Variants in HNMT observed in about 807,000 individuals in gnomAD.
The protein encoded by HNMT is histamine N-methyltransferase.
A neutral mutation model predicts 32.1 loss-of-function variants in HNMT; 30 were observed. The ratio of observed to expected loss-of-function variants is 0.93; its 90% CI spans 0.70 to 1.27. The LOEUF is 1.27. HNMT is among the 50% of genes most tolerant of loss of function. HNMT has a pLI of 0.00. For synonymous variants in HNMT, 125 were observed against 119.0 expected (o/e 1.05, Z -0.33); for missense variants, 327 against 346.0 (o/e 0.95, Z 0.43).
chr2:137,989,654 G>A lies in HNMT; in HGVS notation c.191-11264G>A, dbSNP rs377011044. ...GAATCATATGGTAAGGTTATGCTTC[G>A]TCTTTTAAGAAACTGCCAAACTGTA... On this transcript the variant is annotated intron_variant, in intron 2 of 5. Coordinates refer to ENST00000280097, the MANE Select transcript of HNMT (RefSeq NM_006895.3). 5.3e-5 allele frequency among the ~76,000 whole-genome samples: 8 copies of A among 152,124 alleles called. No individual in the cohort carries two copies. In the South Asian group the frequency reaches 8.3e-4, roughly 16 times the overall value.
At chr2:137,967,207 T>C in intron 1 of HNMT, 1 of 725,160 alleles carries the variant, frequency 1.4e-6, no homozygotes, top group South Asian at 1.4e-5. Flanking sequence ...GCCTAGGAGT[T>C]TGAGACCAGC....
intron 4 of HNMT, 30 bp from the exon 5 acceptor site, chr2:138,005,102 C>G (rs778926724): frequency 4.2e-6 from 5 of 1,187,972 alleles, no homozygotes; most frequent in Non-Finnish European, 6.3e-6. Context: ...CATACAGAAG[C>G]AGCTCATTTC....
rs774915582 is a variant in HNMT, at chr2:138,014,081, G to A, written c.830G>A (p.Gly277Glu). 6.2e-7 allele frequency: 1 copy of A among 1,607,676 alleles called. No homozygotes were observed. Among genetic ancestry groups the A allele is most frequent in the South Asian group, 1.1e-5 (1 of 90,668 alleles). The part of the protein sequence containing the change: ...QEPEFSAKKE[G>E]KVLFNNTLSF... ...CCTGAATTTAGTGCTAAGAAAGAGG[G>A]GAAGGTTCTTTTTAATAATACTCTG... The change falls in exon 6 of 6, where the codon GGG becomes GAG. Residue 277 changes from glycine (G) to glutamate (E), a missense_variant. Coordinates refer to ENST00000280097, the MANE Select transcript of HNMT (RefSeq NM_006895.3).
chr2:137,996,247 A>C (rs1680990189), intron 2 of HNMT, among the ~76,000 whole-genome samples: 1 of 152,152 alleles, frequency 6.6e-6, no homozygotes, highest in African/African-American at 2.4e-5. Flanking sequence ...GTTTGTAGAC[A>C]ACATGATTGT....
At chr2:137,998,870 T>C (rs1681074920) in intron 2 of HNMT, among the ~76,000 whole-genome samples, 1 of 152,200 alleles carries the variant, frequency 6.6e-6, no homozygotes, top group Non-Finnish European at 1.5e-5. Context: ...TTAAAATGTA[T>C]GGCTAGGTTA....
At position 137,964,548 on chromosome 2, in the gene HNMT, C is replaced by T. The variant is rs1679894439; in HGVS notation, c.57C>T (p.Phe19=). 1 of 1,613,484 alleles carries T rather than the reference C, an allele frequency of 6.2e-7. No individual in the cohort carries two copies. The highest frequency in any genetic ancestry group is 1.3e-5 in the African/African-American group (1 of 74,868). Residue 19 remains phenylalanine (F), a synonymous_variant, in exon 1 of 6, where the codon TTC becomes TTT. Transcript: ENST00000280097. The part of the protein sequence containing the change: ...FSDHGKYVES[F]RRFLNHSTEH... ...ACCACGGGAAATATGTTGAATCTTT[C>T]CGGAGGTTTCTCAACCATTCCACGG...
rs1679893164 is a variant in HNMT, at chr2:137,964,522, G to A, written c.31G>A (p.Asp11Asn). 1.9e-6 allele frequency: 3 copies of A among 1,613,738 alleles called. No individual in the cohort carries two copies. Among genetic ancestry groups the A allele is most frequent in the Non-Finnish European group, 2.5e-6 (3 of 1,179,774 alleles). The change falls in exon 1 of 6, where the codon GAC (aspartate) becomes AAC (asparagine). Residue 11 changes from aspartate (D) to asparagine (N), a missense_variant. Asp to Asn is a conservative substitution (Grantham distance 23). Transcript: ENST00000280097. ...ATCTTCCATGAGGAGCTTGTTTTCT[G>A]ACCACGGGAAATATGTTGAATCTTT... MASSMRSLFS[D>N]HGKYVESFRR...
rs4646329 is a variant in HNMT, at chr2:138,007,250, C to T, written c.523+2025C>T. Among the ~76,000 whole-genome samples, 152 of 152,084 alleles carry T rather than the reference C, an allele frequency of 1.0e-3. 2 individuals carry two copies. In the East Asian group the frequency reaches 0.011, roughly 11 times the overall value. On this transcript the variant is annotated intron_variant, in intron 5 of 5. Coordinates refer to ENST00000280097, the MANE Select transcript of HNMT (RefSeq NM_006895.3). ...TCGATATTTTATTTGGGGCTTTCTACGTCTCTCTCTCCTAAGCCTAAGAAT... is the reference window on the plus strand; with the variant it reads ...TCGATATTTTATTTGGGGCTTTCTATGTCTCTCTCTCCTAAGCCTAAGAAT...
intron 2 of HNMT, among the ~76,000 whole-genome samples, chr2:138,000,144 T>C (rs1681116026): frequency 6.6e-6 from 1 of 152,092 alleles, no homozygotes; most frequent in African/African-American, 2.4e-5. Context: ...CCAAATATAC[T>C]CTTTTATTTT....
chr2:138,002,437 A>C, intron 4 of HNMT: 1 of 859,758 alleles, frequency 1.2e-6, no homozygotes, highest in Non-Finnish European at 1.4e-6. Flanking sequence ...ATTTTTAAAA[A>C]TGTTGGCTTA....
chr2:137,999,930 A>G (rs1393998645), intron 2 of HNMT, among the ~76,000 whole-genome samples: 1 of 141,374 alleles, frequency 7.1e-6, no homozygotes, highest in African/African-American at 2.6e-5. Context: ...AAAAAAAAAA[A>G]GAAGCTTGGA....
At chr2:138,004,857 G>C (rs1010455527) in intron 4 of HNMT, among the ~76,000 whole-genome samples, 3 of 152,074 alleles carry the variant, frequency 2.0e-5, no homozygotes, top group African/African-American at 7.2e-5. Context: ...AGTGTCTCCA[G>C]CTATAAATGT....
chr2:137,982,168 A>G (rs1230489535), intron 2 of HNMT, among the ~76,000 whole-genome samples: 6 of 151,960 alleles, frequency 3.9e-5, no homozygotes, highest in Non-Finnish European at 8.8e-5. Context: ...TCTTTTCACG[A>G]TTTTTTTCCA....
At chr2:137,981,600 CAAT>C (rs1354952500) in intron 2 of HNMT, 1 of 533,822 alleles carries the variant, frequency 1.9e-6, no homozygotes, top group South Asian at 3.0e-5. Context: ...AGTGGGTGCT[CAAT>C]AATATTTGTT....
intron 2 of HNMT, among the ~76,000 whole-genome samples, chr2:137,975,647 T>C (rs1680264323): frequency 6.6e-6 from 1 of 152,172 alleles, no homozygotes; most frequent in Admixed American, 6.5e-5. Context: ...CACAGAAGCT[T>C]AATACTTTAA....
chr2:137,977,503 G>A (rs771097618), intron 2 of HNMT, among the ~76,000 whole-genome samples: 33 of 152,026 alleles, frequency 2.2e-4, no homozygotes, highest in Admixed American at 4.6e-4. Context: ...AATTCCTTGG[G>A]TCTCCTTCAG....
At chr2:137,988,823 C>G (rs568866211) in intron 2 of HNMT, 1 of 152,062 alleles carries the variant, frequency 6.6e-6, no homozygotes, top group African/African-American at 2.4e-5. Flanking sequence ...TGTAGTGAGC[C>G]GAGATTGCAC....
rs1184372031 is a variant in HNMT at position 138,015,224 on chromosome 2, G to T, written c.*1094G>T. 1.3e-5 allele frequency: 2 copies of T among 151,776 alleles called. No homozygotes were observed. Among genetic ancestry groups the T allele is most frequent in the African/African-American group, 4.8e-5 (2 of 41,348 alleles). 9.4% of individuals were successfully genotyped at this position (151,776 alleles called of 1,614,324 possible). A position where few individuals can be genotyped will look rare whatever the true frequency, so the allele number is the denominator to read the frequency against. On this transcript the variant is annotated 3_prime_UTR_variant, in exon 6 of 6. Transcript: ENST00000280097. ...TTAATAATAACGCTCTGTTATTTTT[G>T]ACATAAACAGTACATTTAATAATTA...
At chr2:137,979,679 T>C (rs1680426197) in intron 2 of HNMT, among the ~76,000 whole-genome samples, 1 of 152,134 alleles carries the variant, frequency 6.6e-6, no homozygotes, top group Admixed American at 6.5e-5. Context: ...GATATATTCA[T>C]AGTTTAACAC....
Sources: allele counts gnomAD v4.1 joint callset (sites outside exome capture counted in the v4.1 genomes callset), GRCh38; gene constraint gnomAD v4.1.1; transcripts MANE v1.5; gene names NCBI Gene and HGNC (gene_info 2026-07-23, HGNC 2026-07-21).